HCRTR2: variants seen among roughly 807,000 people sequenced by gnomAD.
The protein encoded by HCRTR2 is hypocretin receptor 2, also known as orexin receptor type 2.
A neutral mutation model predicts 49.0 loss-of-function variants in HCRTR2; 22 were observed. The observed-to-expected ratio is 0.45, with a 90% CI of 0.32 to 0.64. The LOEUF is 0.64. HCRTR2 is among the 30% of genes least tolerant of loss of function. The pLI, the probability that HCRTR2 is intolerant of heterozygous loss-of-function variation, is 0.04. For synonymous variants in HCRTR2, 236 were observed against 205.3 expected (o/e 1.15, Z -1.28); for missense variants, 491 against 559.4 (o/e 0.88, Z 1.23).
chr6:55,174,859 G>T (rs766548112), intron 1 of HCRTR2, 49 bp downstream of exon 1: 2 of 1,496,346 alleles, frequency 1.3e-6, no homozygotes, highest in Non-Finnish European at 9.3e-7. Flanking sequence ...CCCCCTCTCC[G>T]CCCCGGGCTG....
At chr6:55,219,653 G>A (rs1416578714) in intron 1 of HCRTR2, among the ~76,000 whole-genome samples, 2 of 151,638 alleles carry the variant, frequency 1.3e-5, no homozygotes, top group Non-Finnish European at 2.9e-5. Flanking sequence ...AGAAGTGGAA[G>A]AAGGAGAAAA....
chr6:55,219,572 A>C (rs1183351685), intron 1 of HCRTR2, among the ~76,000 whole-genome samples: 1 of 152,308 alleles, frequency 6.6e-6, no homozygotes, highest in South Asian at 2.1e-4. Flanking sequence ...GCAAGAGTTA[A>C]GTTTATAGTG....
chr6:55,150,416 C>T (rs1006190437), intron 1 of HCRTR2, among the ~76,000 whole-genome samples: 1 of 151,876 alleles, frequency 6.6e-6, no homozygotes, highest in Non-Finnish European at 1.5e-5. Context: ...TAACTGTAAG[C>T]ACTCTGCTAT....
chr6:55,249,877 C>T (rs1258488388), intron 2 of HCRTR2, among the ~76,000 whole-genome samples: 1 of 152,024 alleles, frequency 6.6e-6, no homozygotes, highest in African/African-American at 2.4e-5. Flanking sequence ...CTTTCCTGCA[C>T]CCTCAGTTTT....
At chr6:55,176,896 T>C (rs1387932415) in intron 1 of HCRTR2, among the ~76,000 whole-genome samples, 1 of 152,182 alleles carries the variant, frequency 6.6e-6, no homozygotes, top group East Asian at 1.9e-4. Flanking sequence ...AGAGAAGCAG[T>C]AATTTTTTTA....
chr6:55,110,702 C>A lies in HCRTR2; in HGVS notation c.-378+4157C>A, dbSNP rs567345988. ...ATCACAGTCCTAAATATAAATGCAC[C>A]TAACACTGGAGCTTCCAAATTTTTG... On this transcript the variant is annotated intron_variant, in intron 1 of 7. Coordinates refer to the HCRTR2 transcript ENST00000615358. 1.5e-3 allele frequency among the ~76,000 whole-genome samples: 227 copies of A among 151,908 alleles called. 3 individuals are homozygous for A. The highest frequency in any genetic ancestry group is 5.3e-3 in the African/African-American group (221 of 41,474).
intron 1 of HCRTR2, among the ~76,000 whole-genome samples, chr6:55,236,916 A>C (rs1027520687): frequency 6.6e-6 from 1 of 152,164 alleles, no homozygotes; most frequent in Non-Finnish European, 1.5e-5. Flanking sequence ...GTCTCATGCT[A>C]CTTCTATACA....
At chr6:55,107,456 T>A (rs1763989225) in intron 1 of HCRTR2, among the ~76,000 whole-genome samples, 1 of 152,058 alleles carries the variant, frequency 6.6e-6, no homozygotes, top group East Asian at 1.9e-4. Flanking sequence ...TTTCAATATA[T>A]AAAGGGAAAG....
At chr6:55,110,654 A>T (rs1316125131) in intron 1 of HCRTR2, among the ~76,000 whole-genome samples, 1 of 152,104 alleles carries the variant, frequency 6.6e-6, no homozygotes, top group Non-Finnish European at 1.5e-5. Context: ...ATAAAGATAA[A>T]AGGTATAGTG....
intron 1 of HCRTR2, among the ~76,000 whole-genome samples, chr6:55,223,240 G>A (rs1765932182): frequency 6.6e-6 from 1 of 152,024 alleles, no homozygotes; most frequent in African/African-American, 2.4e-5. Flanking sequence ...TGGGATCCTT[G>A]CAGCTGTATC....
intron 1 of HCRTR2, among the ~76,000 whole-genome samples, chr6:55,219,910 T>C (rs1169173948): frequency 1.3e-5 from 2 of 152,082 alleles, no homozygotes; most frequent in African/African-American, 2.4e-5. Flanking sequence ...CAGGCTATTC[T>C]GTATAATTAT....
chr6:55,277,291 C>A (rs1767094181), intron 4 of HCRTR2, 89 bp from the exon 5 acceptor site: 1 of 1,087,778 alleles, frequency 9.2e-7, no homozygotes, highest in African/African-American at 1.5e-5. Flanking sequence ...CGTCTGGAAG[C>A]CTTTCCTTAC....
chr6:55,167,308 G>C (rs1213246416), intron 1 of HCRTR2, among the ~76,000 whole-genome samples: 1 of 152,050 alleles, frequency 6.6e-6, no homozygotes, highest in Non-Finnish European at 1.5e-5. Flanking sequence ...TTTTAACATT[G>C]GAGTCCAATA....
At chr6:55,145,681 C>T (rs1483460772) in intron 1 of HCRTR2, among the ~76,000 whole-genome samples, 3 of 152,072 alleles carry the variant, frequency 2.0e-5, no homozygotes, top group African/African-American at 7.2e-5. Context: ...TCCGAAAGTG[C>T]TGGGATTACA....
intron 1 of HCRTR2, among the ~76,000 whole-genome samples, chr6:55,136,456 C>T (rs2127250574): frequency 6.6e-6 from 1 of 152,192 alleles, no homozygotes; most frequent in Middle Eastern, 3.4e-3. Flanking sequence ...AAAGAAATTC[C>T]TTCAATTGGG....
chr6:55,152,674 A>G (rs1428742452), intron 1 of HCRTR2, among the ~76,000 whole-genome samples: 5 of 151,942 alleles, frequency 3.3e-5, no homozygotes. Context: ...TCTGGTAGAA[A>G]GAGGGCAAGA....
At chr6:55,272,624 G>T (rs1766994213) in intron 4 of HCRTR2, among the ~76,000 whole-genome samples, 1 of 149,750 alleles carries the variant, frequency 6.7e-6, no homozygotes, top group Non-Finnish European at 1.5e-5. Flanking sequence ...AAGTTCTGCT[G>T]CTGAAACCAC....
At chr6:55,255,471 T>A in intron 3 of HCRTR2, 92 bp downstream of exon 3, 1 of 1,441,892 alleles carries the variant, frequency 6.9e-7, no homozygotes, top group South Asian at 1.2e-5. Context: ...TGGGCTTATA[T>A]ATTTTATTGA....
At chr6:55,219,580 G>A (rs2127295195) in intron 1 of HCRTR2, among the ~76,000 whole-genome samples, 1 of 152,204 alleles carries the variant, frequency 6.6e-6, no homozygotes, top group African/African-American at 2.4e-5. Context: ...TAAGTTTATA[G>A]TGGTAAGTGA....
Sources: gnomAD v4.1 joint callset for allele counts (sites outside exome capture counted in the v4.1 genomes callset) on GRCh38, gnomAD v4.1.1 for gene constraint, MANE v1.5 for transcripts, NCBI Gene and HGNC (gene_info 2026-07-23, HGNC 2026-07-21) for gene names.